The following ATP8B4 variants were observed in gnomAD, a reference collection of about 807,000 sequenced individuals.
ATP8B4 encodes ATPase phospholipid transporting 8B4 (putative), also known as probable phospholipid-transporting ATPase IM.
Under a neutral mutation model 145.6 loss-of-function variants are expected in ATP8B4, and 133 were observed. The observed-to-expected ratio is 0.91, with a 90% CI of 0.79 to 1.05. The LOEUF (loss-of-function observed/expected upper bound fraction) is 1.05, where lower values mean the gene tolerates loss of function less well. Among genes scored for constraint, ATP8B4 ranks in the 50% least tolerant of loss-of-function variants. ATP8B4 has a pLI of 0.00. For missense variants in ATP8B4, 1,458 were observed against 1,425.2 expected, an observed-to-expected ratio of 1.02 and a Z score of -0.37; for synonymous variants, 507 against 492.9, an observed-to-expected ratio of 1.03 and a Z score of -0.38.
chr15:50,178,729 T>G (rs1367474497), intron 1 of ATP8B4, among the ~76,000 whole-genome samples: 1 of 152,190 alleles, frequency 6.6e-6, no homozygotes, highest in Non-Finnish European at 1.5e-5. Context: ...GGCTATATGT[T>G]TATTGTTACT....
intron 1 of ATP8B4, among the ~76,000 whole-genome samples, chr15:50,180,227 T>C (rs796850842): frequency 1.7e-4 from 26 of 152,266 alleles, no homozygotes; most frequent in African/African-American, 6.3e-4. Flanking sequence ...ATTCCTGTAC[T>C]TCTCTCTGAA....
At chr15:49,956,550 C>G (rs1046765869) in intron 14 of ATP8B4, among the ~76,000 whole-genome samples, 4 of 152,082 alleles carry the variant, frequency 2.6e-5, no homozygotes, top group African/African-American at 9.7e-5. Flanking sequence ...TAGTTCTCAA[C>G]AGATTTTTCT....
intron 24 of ATP8B4, 23 bp downstream of exon 24, chr15:49,879,353 A>G (rs776011307): frequency 6.3e-7 from 1 of 1,580,880 alleles, no homozygotes; most frequent in Non-Finnish European, 8.7e-7. Flanking sequence ...AAACTAAGTT[A>G]TAAAGATGGA....
chr15:49,885,162 T>G (rs1218396383), intron 23 of ATP8B4, among the ~76,000 whole-genome samples: 1 of 152,154 alleles, frequency 6.6e-6, no homozygotes, highest in Non-Finnish European at 1.5e-5. Flanking sequence ...ATTCTCACCC[T>G]CCCTCACCTA....
At chr15:49,884,798 G>A (rs551864067) in intron 23 of ATP8B4, among the ~76,000 whole-genome samples, 1 of 152,142 alleles carries the variant, frequency 6.6e-6, no homozygotes, top group East Asian at 1.9e-4. Flanking sequence ...GCAGGCAAGC[G>A]AGCCTGAGCT....
intron 14 of ATP8B4, among the ~76,000 whole-genome samples, chr15:49,956,547 C>A (rs1463969289): frequency 6.6e-6 from 1 of 152,076 alleles, no homozygotes; most frequent in East Asian, 1.9e-4. Context: ...AAATAGTTCT[C>A]AACAGATTTT....
At chr15:50,148,642 C>T (rs906039635) in intron 1 of ATP8B4, among the ~76,000 whole-genome samples, 22 of 152,138 alleles carry the variant, frequency 1.4e-4, no homozygotes, top group African/African-American at 4.8e-4. Flanking sequence ...GACTTTCTAG[C>T]CTCCAAAACT....
At chr15:50,047,766 C>T (rs1278209848) in intron 3 of ATP8B4, among the ~76,000 whole-genome samples, 1 of 152,188 alleles carries the variant, frequency 6.6e-6, no homozygotes, top group Non-Finnish European at 1.5e-5. Flanking sequence ...TGAGTACCTA[C>T]TGTATGCAGT....
chr15:49,936,856 A>C (rs1425197809), intron 14 of ATP8B4, among the ~76,000 whole-genome samples: 1 of 150,052 alleles, frequency 6.7e-6, no homozygotes, highest in Non-Finnish European at 1.5e-5. Context: ...TTTTCATTCT[A>C]CTTTCTGGGA....
At chr15:50,086,124 T>G (rs1402648470) in intron 2 of ATP8B4, among the ~76,000 whole-genome samples, 2 of 108,916 alleles carry the variant, frequency 1.8e-5, no homozygotes, top group East Asian at 5.3e-4. Context: ...AGATCTATAT[T>G]ATATATAATA....
chr15:49,946,780 G>C (rs1321074891), intron 14 of ATP8B4, among the ~76,000 whole-genome samples: 1 of 152,142 alleles, frequency 6.6e-6, no homozygotes, highest in Admixed American at 6.5e-5. Context: ...ATCTGAAGAA[G>C]CAGGGGCTGC....
intron 5 of ATP8B4, among the ~76,000 whole-genome samples, chr15:50,040,747 G>C (rs995401996): frequency 6.6e-6 from 1 of 152,206 alleles, no homozygotes; most frequent in African/African-American, 2.4e-5. Flanking sequence ...TATTGGAGTA[G>C]ATGGAGTCTG....
At position 50,089,534 on chromosome 15, in the gene ATP8B4, T is replaced by A. The variant is rs142453514; in HGVS notation, c.29-15349A>T. On this transcript the variant is annotated intron_variant, in intron 2 of 27. Transcript: ENST00000284509. ...AACATGAAAAAAGGCTCAACATCAC[T>A]GATTATTAGAGAAATGCAAACAAAA... Among the ~76,000 whole-genome samples, 255 of 152,228 alleles carry A rather than the reference T, an allele frequency of 1.7e-3. 2 individuals carry two copies. The highest frequency in any genetic ancestry group is 7.5e-3 in the South Asian group (36 of 4,828).
At chr15:50,052,012 A>G (rs1168752527) in intron 3 of ATP8B4, among the ~76,000 whole-genome samples, 6 of 152,240 alleles carry the variant, frequency 3.9e-5, no homozygotes, top group Non-Finnish European at 8.8e-5. Context: ...GGAACAAGGA[A>G]CAAGGGCTCC....
chr15:50,120,822 G>T (rs2057261969), upstream of ATP8B4, among the ~76,000 whole-genome samples: 1 of 152,142 alleles, frequency 6.6e-6, no homozygotes, highest in Admixed American at 6.6e-5. Context: ...TTGGAGTAAG[G>T]AATCAGGTCA....
intron 20 of ATP8B4, among the ~76,000 whole-genome samples, chr15:49,908,700 G>A (rs1346334291): frequency 1.3e-5 from 2 of 152,084 alleles, no homozygotes; most frequent in South Asian, 2.1e-4. Context: ...TCCTGCCTGA[G>A]GGCCCAACAG....
At chr15:50,177,709 G>C (rs2044784064) in intron 1 of ATP8B4, among the ~76,000 whole-genome samples, 1 of 152,186 alleles carries the variant, frequency 6.6e-6, no homozygotes, top group African/African-American at 2.4e-5. Context: ...AGTTCTCAAA[G>C]TATAGTCCCT....
At chr15:50,127,675 G>C (rs187998627) in intron 1 of ATP8B4, among the ~76,000 whole-genome samples, 1 of 152,136 alleles carries the variant, frequency 6.6e-6, no homozygotes, top group Non-Finnish European at 1.5e-5. Flanking sequence ...CTATAATACC[G>C]ATTGCAAAGA....
chr15:50,004,217 G>A (rs1410450003), intron 7 of ATP8B4, among the ~76,000 whole-genome samples: 1 of 152,202 alleles, frequency 6.6e-6, no homozygotes, highest in African/African-American at 2.4e-5. Context: ...AATTCATTGT[G>A]GTTGAGGAGG....
Sources: gnomAD v4.1 joint callset for allele counts (sites outside exome capture counted in the v4.1 genomes callset) on GRCh38, gnomAD v4.1.1 for gene constraint, MANE v1.5 for transcripts, NCBI Gene and HGNC (gene_info 2026-07-23, HGNC 2026-07-21) for gene names.